The following SGCZ variants were observed in gnomAD, a reference collection of about 807,000 sequenced individuals.
SGCZ encodes zeta-sarcoglycan.
SGCZ carries 40 observed loss-of-function variants against 41.3 expected under a neutral mutation model. The observed-to-expected ratio is 0.97, with a 90% CI of 0.75 to 1.26. SGCZ has a LOEUF of 1.26. SGCZ is among the 50% of genes most tolerant of loss of function. SGCZ has a pLI of 0.00. For synonymous variants in SGCZ, 206 were observed against 137.5 expected (o/e 1.50, Z -3.49); for missense variants, 552 against 369.8 (o/e 1.49, Z -4.04).
At chr8:14,106,347 T>C (rs938873721) in intron 6 of SGCZ, among the ~76,000 whole-genome samples, 7 of 152,238 alleles carry the variant, frequency 4.6e-5, no homozygotes, top group African/African-American at 1.7e-4. Flanking sequence ...TCCTATGAGA[T>C]GCTGTTTACA....
chr8:14,374,396 CAA>C (rs1804031520), intron 2 of SGCZ, among the ~76,000 whole-genome samples: 1 of 151,850 alleles, frequency 6.6e-6, no homozygotes, highest in African/African-American at 2.4e-5. Flanking sequence ...TTTTTAGGAA[CAA>C]AAGGGAAAAC....
chr8:14,133,889 T>C (rs1390596052), intron 5 of SGCZ, among the ~76,000 whole-genome samples: 1 of 152,198 alleles, frequency 6.6e-6, no homozygotes, highest in Non-Finnish European at 1.5e-5. Context: ...TATTTCCCTT[T>C]TCCAACATTG....
At chr8:14,213,359 T>G (rs771038445) in intron 4 of SGCZ, among the ~76,000 whole-genome samples, 5 of 152,124 alleles carry the variant, frequency 3.3e-5, no homozygotes, top group Admixed American at 1.3e-4. Flanking sequence ...AGCCAATTTT[T>G]CATCAGAAAC....
chr8:14,559,347 G>A lies in SGCZ; in HGVS notation c.40-4421C>T, dbSNP rs147312929. On this transcript the variant is annotated intron_variant, in intron 1 of 7. Coordinates refer to ENST00000382080, the MANE Select transcript of SGCZ (RefSeq NM_139167.4). The stretch of plus-strand genomic sequence containing the variant: ...GCTATACACCAACAGTGACCAAGCT[G>A]AGAATCAAATCAAGAACTCGACCCC... Among the ~76,000 whole-genome samples the A allele has an allele frequency of 1.2e-3, 186 of 152,190 alleles. 1 individual carries two copies. The highest frequency in any genetic ancestry group is 4.4e-3 in the African/African-American group (182 of 41,546).
At chr8:15,162,397 A>G (rs568748614) in intron 1 of SGCZ, among the ~76,000 whole-genome samples, 1 of 152,334 alleles carries the variant, frequency 6.6e-6, no homozygotes, top group African/African-American at 2.4e-5. Flanking sequence ...TAAATTTTAG[A>G]CAACTGATAC....
intron 1 of SGCZ, among the ~76,000 whole-genome samples, chr8:14,635,268 T>C (rs992101100): frequency 1.3e-5 from 2 of 151,930 alleles, no homozygotes; most frequent in Non-Finnish European, 2.9e-5. Context: ...ACTTGCTCAA[T>C]CTGTTGTCTT....
intron 1 of SGCZ, among the ~76,000 whole-genome samples, chr8:14,556,140 T>C (rs1486933314): frequency 1.3e-5 from 2 of 151,842 alleles, no homozygotes; most frequent in Non-Finnish European, 2.9e-5. Context: ...TGAATATGTC[T>C]TAAGTGTACA....
At chr8:15,003,511 C>A (rs909962000) in intron 1 of SGCZ, among the ~76,000 whole-genome samples, 13 of 152,090 alleles carry the variant, frequency 8.5e-5, no homozygotes, top group Admixed American at 6.5e-4. Context: ...GATTTGGTTA[C>A]AACACTGCAA....
intron 1 of SGCZ, among the ~76,000 whole-genome samples, chr8:14,769,894 G>C (rs1204511749): frequency 1.3e-5 from 2 of 148,280 alleles, no homozygotes; most frequent in African/African-American, 5.0e-5. Flanking sequence ...GGTGCAACTC[G>C]ATTGGACTCT....
At chr8:14,390,518 A>T (rs1393172512) in intron 2 of SGCZ, among the ~76,000 whole-genome samples, 1 of 151,904 alleles carries the variant, frequency 6.6e-6, no homozygotes, top group Non-Finnish European at 1.5e-5. Context: ...AGGAACATGA[A>T]ATTTACATGA....
chr8:14,651,987 C>G (rs568352879), intron 1 of SGCZ, among the ~76,000 whole-genome samples: 1 of 152,000 alleles, frequency 6.6e-6, no homozygotes, highest in South Asian at 2.1e-4. Context: ...CTCCTACTAC[C>G]AGCTGTGTTT....
chr8:15,145,862 G>A lies in SGCZ; in HGVS notation c.39+91723C>T, dbSNP rs546614076. ...CACAGAAATTTATGATTATCAAGGA[G>A]GTTAAACACATATATTTATCTCCTC... On this transcript the variant is annotated intron_variant, in intron 1 of 7. Coordinates refer to ENST00000382080, the MANE Select transcript of SGCZ (RefSeq NM_139167.4). Among the ~76,000 whole-genome samples the A allele has an allele frequency of 3.9e-5, 6 of 152,104 alleles. No homozygotes were observed. In the South Asian group the frequency reaches 1.2e-3, roughly 31 times the overall value.
At chr8:15,091,164 G>A (rs764970179) in intron 1 of SGCZ, among the ~76,000 whole-genome samples, 1 of 152,124 alleles carries the variant, frequency 6.6e-6, no homozygotes, top group African/African-American at 2.4e-5. Context: ...GATGGTAGAT[G>A]GTTATACACT....
intron 1 of SGCZ, among the ~76,000 whole-genome samples, chr8:14,777,841 A>T (rs1463047862): frequency 6.6e-6 from 1 of 151,712 alleles, no homozygotes; most frequent in Non-Finnish European, 1.5e-5. Flanking sequence ...TGAGTGAAGG[A>T]TATACAGAAG....
At chr8:14,907,740 A>C (rs1273720092) in intron 1 of SGCZ, among the ~76,000 whole-genome samples, 1 of 152,118 alleles carries the variant, frequency 6.6e-6, no homozygotes, top group East Asian at 1.9e-4. Context: ...CTCTCTCTAC[A>C]CTACAACCTA....
At chr8:14,457,679 T>C (rs1358671839) in intron 2 of SGCZ, among the ~76,000 whole-genome samples, 3 of 152,210 alleles carry the variant, frequency 2.0e-5, no homozygotes, top group Admixed American at 2.0e-4. Context: ...GCAGAAATAA[T>C]GGGGTAAGCT....
At chr8:14,855,256 G>C (rs1436320890) in intron 1 of SGCZ, among the ~76,000 whole-genome samples, 1 of 151,912 alleles carries the variant, frequency 6.6e-6, no homozygotes, top group Non-Finnish European at 1.5e-5. Flanking sequence ...CACCATGTTG[G>C]CCAGGCTGGT....
intron 1 of SGCZ, among the ~76,000 whole-genome samples, chr8:15,170,428 G>C (rs545131579): frequency 1.3e-5 from 2 of 152,248 alleles, no homozygotes; most frequent in South Asian, 2.1e-4. Flanking sequence ...TAGAAAAATG[G>C]ATAAATGGAC....
At chr8:15,006,144 T>C (rs1249664728) in intron 1 of SGCZ, among the ~76,000 whole-genome samples, 1 of 152,162 alleles carries the variant, frequency 6.6e-6, no homozygotes, top group African/African-American at 2.4e-5. Flanking sequence ...GAGGAATAAA[T>C]ACAAAACATA....
Sources: allele counts gnomAD v4.1 joint callset (sites outside exome capture counted in the v4.1 genomes callset), GRCh38; gene constraint gnomAD v4.1.1; transcripts MANE v1.5; gene names NCBI Gene and HGNC (gene_info 2026-07-23, HGNC 2026-07-21).